The following CADPS2 variants were observed in gnomAD, a reference collection of about 807,000 sequenced individuals.
CADPS2 encodes the protein calcium dependent secretion activator 2, also known as calcium-dependent secretion activator 2.
A neutral mutation model predicts 172.5 loss-of-function variants in CADPS2; 93 were observed. That is an observed-to-expected ratio of 0.54 (90% CI 0.46 to 0.64). The LOEUF is 0.64. Among genes scored for constraint, CADPS2 ranks in the 30% least tolerant of loss-of-function variants. The pLI, the probability that CADPS2 is intolerant of heterozygous loss-of-function variation, is 0.00. For missense variants in CADPS2, 1,420 were observed against 1,565.9 expected, an observed-to-expected ratio of 0.91 and a Z score of 1.57; for synonymous variants, 546 against 555.2, an observed-to-expected ratio of 0.98 and a Z score of 0.23.
intron 14 of CADPS2, among the ~76,000 whole-genome samples, chr7:122,455,025 C>CT (rs2053591066): frequency 6.6e-6 from 1 of 152,148 alleles, no homozygotes; most frequent in South Asian, 2.1e-4. Flanking sequence ...GACTCAATTC[C>CT]TGTAATGGTG....
At chr7:122,669,754 TCAA>T (rs2081592663) in intron 2 of CADPS2, among the ~76,000 whole-genome samples, 3 of 151,998 alleles carry the variant, frequency 2.0e-5, no homozygotes, top group Admixed American at 6.6e-5. Flanking sequence ...GCCTGAACCA[TCAA>T]CCTTTAATCA....
chr7:122,478,694 G>C (rs2056972834), intron 12 of CADPS2, among the ~76,000 whole-genome samples: 3 of 152,112 alleles, frequency 2.0e-5, no homozygotes, highest in Admixed American at 1.3e-4. Flanking sequence ...GAAAATAGGT[G>C]GCATAGAAAA....
chr7:122,495,554 C>T (rs1353561888), intron 9 of CADPS2, among the ~76,000 whole-genome samples: 2 of 152,180 alleles, frequency 1.3e-5, no homozygotes, highest in African/African-American at 2.4e-5. Context: ...AACCACTATC[C>T]TAGTGATGTC....
At chr7:122,524,676 C>G (rs747601109) in intron 8 of CADPS2, among the ~76,000 whole-genome samples, 1 of 152,154 alleles carries the variant, frequency 6.6e-6, no homozygotes, top group Non-Finnish European at 1.5e-5. Flanking sequence ...ATATCTGTAA[C>G]AGTCATGTTC....
intron 7 of CADPS2, among the ~76,000 whole-genome samples, chr7:122,561,686 A>AT (rs965429123): frequency 1.3e-5 from 2 of 151,912 alleles, no homozygotes; most frequent in African/African-American, 2.4e-5. Context: ...TCTTTAAGAC[A>AT]TTTTTTTTCA....
chr7:122,752,079 G>A (rs965604675), intron 1 of CADPS2, among the ~76,000 whole-genome samples: 9 of 151,910 alleles, frequency 5.9e-5, no homozygotes, highest in Admixed American at 1.3e-4. Flanking sequence ...CACTCAAAAC[G>A]AATTCAGGAA....
At chr7:122,435,412 C>A (rs1012187744) in intron 17 of CADPS2, among the ~76,000 whole-genome samples, 2 of 152,088 alleles carry the variant, frequency 1.3e-5, no homozygotes, top group African/African-American at 4.8e-5. Flanking sequence ...AGGTGCTCAA[C>A]ATCACTAATC....
intron 1 of CADPS2, among the ~76,000 whole-genome samples, chr7:122,832,382 T>C (rs1385861167): frequency 2.0e-5 from 3 of 151,970 alleles, no homozygotes; most frequent in Non-Finnish European, 4.4e-5. Context: ...CTTAGAGACC[T>C]GGTCTTCTAA....
intron 6 of CADPS2, among the ~76,000 whole-genome samples, chr7:122,612,658 CT>C (rs1262149236): frequency 6.6e-6 from 1 of 152,002 alleles, no homozygotes; most frequent in Admixed American, 6.6e-5. Context: ...GGAATCTCAG[CT>C]GGTAATCTTT....
chr7:122,619,369 T>C (rs1333018521), intron 5 of CADPS2, among the ~76,000 whole-genome samples: 1 of 151,780 alleles, frequency 6.6e-6, no homozygotes, highest in Admixed American at 6.6e-5. Context: ...CTCAAGCCTG[T>C]AATCCTAGCA....
intron 7 of CADPS2, among the ~76,000 whole-genome samples, chr7:122,570,363 C>G (rs1255073523): frequency 3.3e-5 from 5 of 151,478 alleles, no homozygotes; most frequent in Non-Finnish European, 7.4e-5. Flanking sequence ...GAATGGCAAT[C>G]ATTAAAAAGT....
chr7:122,461,673 C>A (rs570342209), intron 14 of CADPS2, among the ~76,000 whole-genome samples: 26 of 152,254 alleles, frequency 1.7e-4, no homozygotes, highest in African/African-American at 6.0e-4. Context: ...CGGCTCACTG[C>A]AACCTCTGCC....
At chr7:122,620,630 T>C (rs1315603776) in intron 5 of CADPS2, among the ~76,000 whole-genome samples, 1 of 152,176 alleles carries the variant, frequency 6.6e-6, no homozygotes, top group African/African-American at 2.4e-5. Context: ...ATGTATGACT[T>C]TTCTTCTTGC....
At chr7:122,715,275 A>G (rs1481570464) in intron 2 of CADPS2, among the ~76,000 whole-genome samples, 1 of 152,126 alleles carries the variant, frequency 6.6e-6, no homozygotes, top group African/African-American at 2.4e-5. Flanking sequence ...TCTGTTGACT[A>G]TAAGCACTGT....
At chr7:122,496,146 G>A (rs1028079282) in intron 9 of CADPS2, among the ~76,000 whole-genome samples, 2 of 151,722 alleles carry the variant, frequency 1.3e-5, no homozygotes, top group African/African-American at 4.8e-5. Context: ...CTTCATTTGG[G>A]ATATTTATCT....
intron 27 of CADPS2, among the ~76,000 whole-genome samples, chr7:122,346,455 G>A (rs978180854): frequency 6.6e-6 from 1 of 152,080 alleles, no homozygotes; most frequent in African/African-American, 2.4e-5. Flanking sequence ...GGCGTTCAAG[G>A]AATACAAACT....
At chr7:122,457,084 A>G (rs2053876481) in intron 14 of CADPS2, among the ~76,000 whole-genome samples, 1 of 152,220 alleles carries the variant, frequency 6.6e-6, no homozygotes. Flanking sequence ...ATCCTAATCC[A>G]TTTTCTATTA....
intron 2 of CADPS2, among the ~76,000 whole-genome samples, chr7:122,721,126 G>C (rs1400734917): frequency 6.6e-6 from 1 of 151,908 alleles, no homozygotes; most frequent in Admixed American, 6.6e-5. Context: ...AGACATCATT[G>C]TCTTCAGTAC....
intron 25 of CADPS2, among the ~76,000 whole-genome samples, chr7:122,364,258 TA>T (rs2040556709): frequency 6.6e-6 from 1 of 150,494 alleles, no homozygotes; most frequent in African/African-American, 2.4e-5. Context: ...AAAAAAAAAT[TA>T]AAAAAATTGG....
Sources: gnomAD v4.1 joint callset for allele counts (sites outside exome capture counted in the v4.1 genomes callset) on GRCh38, gnomAD v4.1.1 for gene constraint, MANE v1.5 for transcripts, NCBI Gene and HGNC (gene_info 2026-07-23, HGNC 2026-07-21) for gene names.